Variants in CTNNA3 observed in about 807,000 individuals in gnomAD.
The protein encoded by CTNNA3 is catenin alpha-3.
CTNNA3 carries 76 observed loss-of-function variants against 95.7 expected under a neutral mutation model. The ratio of observed to expected loss-of-function variants is 0.79; its 90% CI spans 0.66 to 0.96. The LOEUF is 0.96. Among genes scored for constraint, CTNNA3 ranks in the 40% least tolerant of loss-of-function variants. The probability of loss-of-function intolerance (pLI) is 0.00; values close to 1 mark genes in which losing one functional copy is unlikely to be tolerated. For missense variants in CTNNA3, 1,191 were observed against 1,089.8 expected, an observed-to-expected ratio of 1.09 and a Z score of -1.31; for synonymous variants, 431 against 374.4, an observed-to-expected ratio of 1.15 and a Z score of -1.74.
intron 9 of CTNNA3, among the ~76,000 whole-genome samples, chr10:66,625,102 T>G (rs972509807): frequency 2.6e-5 from 4 of 152,172 alleles, no homozygotes; most frequent in Non-Finnish European, 2.9e-5. Flanking sequence ...ATTGTAATAA[T>G]TTAAAAACAA....
At chr10:67,182,003 A>G (rs1207255751) in intron 6 of CTNNA3, among the ~76,000 whole-genome samples, 1 of 151,870 alleles carries the variant, frequency 6.6e-6, no homozygotes. Flanking sequence ...GGACCTCTTC[A>G]AGGAGAACTA....
chr10:66,994,198 A>T (rs1851201436), intron 7 of CTNNA3, among the ~76,000 whole-genome samples: 1 of 152,212 alleles, frequency 6.6e-6, no homozygotes, highest in Non-Finnish European at 1.5e-5. Context: ...TAAAGGAGCA[A>T]CTACCCAGGT....
chr10:67,338,581 T>C (rs1420753960), intron 5 of CTNNA3, among the ~76,000 whole-genome samples: 2 of 152,160 alleles, frequency 1.3e-5, no homozygotes, highest in South Asian at 2.1e-4. Context: ...AAAAAAATTG[T>C]AGCTAATGGC....
At chr10:67,456,291 C>T (rs931967646) in intron 5 of CTNNA3, among the ~76,000 whole-genome samples, 1 of 152,080 alleles carries the variant, frequency 6.6e-6, no homozygotes, top group Non-Finnish European at 1.5e-5. Flanking sequence ...GTGACAAGAC[C>T]TGAATTATAT....
intron 9 of CTNNA3, among the ~76,000 whole-genome samples, chr10:66,754,201 G>T (rs1467933908): frequency 2.0e-5 from 3 of 152,152 alleles, no homozygotes; most frequent in East Asian, 1.9e-4. Flanking sequence ...CAGTGGAATA[G>T]AATTGAATCT....
intron 12 of CTNNA3, among the ~76,000 whole-genome samples, chr10:66,356,153 T>C (rs1564892443): frequency 6.8e-6 from 1 of 146,282 alleles, no homozygotes; most frequent in African/African-American, 2.5e-5. Context: ...GCTATTCTGG[T>C]TCCTTTGCCT....
chr10:66,999,957 A>G (rs1442688053), intron 7 of CTNNA3, among the ~76,000 whole-genome samples: 1 of 152,192 alleles, frequency 6.6e-6, no homozygotes, highest in Non-Finnish European at 1.5e-5. Context: ...TTTCCCAGTC[A>G]CTGCTCTGTC....
chr10:67,147,418 G>T (rs571175484), intron 7 of CTNNA3, among the ~76,000 whole-genome samples: 1 of 152,294 alleles, frequency 6.6e-6, no homozygotes, highest in South Asian at 2.1e-4. Flanking sequence ...AACTGGTACT[G>T]AGTAAATATT....
rs112417103 is a variant in CTNNA3 at position 66,305,288 on chromosome 10, C to T, written c.1733-24667G>A. ...ATTGATTTTAGATCATATGCACACA[C>T]ATATCATGTTTGAGCTTCTTTTGCT... On this transcript the variant is annotated intron_variant, in intron 12 of 17. Coordinates refer to ENST00000433211, the MANE Select transcript of CTNNA3 (RefSeq NM_013266.4). Among the ~76,000 whole-genome samples the T allele has an allele frequency of 4.2e-3, 633 of 152,236 alleles. 8 individuals carry two copies. Among genetic ancestry groups the T allele is most frequent in the Non-Finnish European group, 6.1e-3 (414 of 68,014 alleles).
chr10:65,930,475 A>T (rs1027106088), intron 17 of CTNNA3, among the ~76,000 whole-genome samples: 32 of 152,178 alleles, frequency 2.1e-4, no homozygotes, highest in African/African-American at 7.5e-4. Context: ...GCTGAAAATC[A>T]GTAAGTAGTC....
At chr10:66,869,395 G>A (rs1844308385) in intron 7 of CTNNA3, among the ~76,000 whole-genome samples, 1 of 151,980 alleles carries the variant, frequency 6.6e-6, no homozygotes, top group African/African-American at 2.4e-5. Context: ...ACAACATGGT[G>A]AAACCTCATC....
chr10:66,928,946 G>T (rs1234847806), intron 7 of CTNNA3, among the ~76,000 whole-genome samples: 2 of 152,120 alleles, frequency 1.3e-5, no homozygotes, highest in African/African-American at 4.8e-5. Context: ...GACAGGCAGA[G>T]CCTTTAAACC....
chr10:66,287,636 A>G (rs752733925), intron 12 of CTNNA3, among the ~76,000 whole-genome samples: 1 of 152,130 alleles, frequency 6.6e-6, no homozygotes, highest in Non-Finnish European at 1.5e-5. Flanking sequence ...TCAGATTGGC[A>G]TTAGACTTTT....
intron 5 of CTNNA3, among the ~76,000 whole-genome samples, chr10:67,429,627 G>A (rs1329803133): frequency 6.6e-6 from 1 of 151,858 alleles, no homozygotes; most frequent in Non-Finnish European, 1.5e-5. Flanking sequence ...GAAACAAAAG[G>A]CAACATCAAG....
intron 7 of CTNNA3, among the ~76,000 whole-genome samples, chr10:67,131,718 C>A (rs1203160512): frequency 6.6e-6 from 1 of 151,868 alleles, no homozygotes; most frequent in Non-Finnish European, 1.5e-5. Context: ...TTAAAAATAA[C>A]CCCAGAAAGT....
intron 1 of CTNNA3, among the ~76,000 whole-genome samples, chr10:67,669,677 T>G (rs1840395652): frequency 6.6e-6 from 1 of 152,234 alleles, no homozygotes; most frequent in Non-Finnish European, 1.5e-5. Context: ...AAATAATTCA[T>G]TTATCAATTA....
intron 5 of CTNNA3, among the ~76,000 whole-genome samples, chr10:67,481,533 C>G (rs556784977): frequency 6.6e-4 from 101 of 151,884 alleles, no homozygotes; most frequent in African/African-American, 2.2e-3. Flanking sequence ...TTACAACTGC[C>G]CCACCCCACC....
chr10:66,089,310 T>G (rs1273005809), intron 14 of CTNNA3, among the ~76,000 whole-genome samples: 1 of 151,796 alleles, frequency 6.6e-6, no homozygotes, highest in Non-Finnish European at 1.5e-5. Context: ...ATAGAGAGTC[T>G]TCCTGCCCCA....
intron 7 of CTNNA3, among the ~76,000 whole-genome samples, chr10:66,948,054 G>A (rs1040048120): frequency 3.9e-5 from 6 of 152,160 alleles, no homozygotes; most frequent in Non-Finnish European, 8.8e-5. Flanking sequence ...GTGTAGCTAC[G>A]CATATCTAAA....
Sources: gnomAD v4.1 joint callset for allele counts (sites outside exome capture counted in the v4.1 genomes callset) on GRCh38, gnomAD v4.1.1 for gene constraint, MANE v1.5 for transcripts, NCBI Gene and HGNC (gene_info 2026-07-23, HGNC 2026-07-21) for gene names.